The following UBR1 variants were observed in gnomAD, a reference collection of about 807,000 sequenced individuals.
UBR1 encodes the protein ubiquitin protein ligase E3 component n-recognin 1.
Under a neutral mutation model 242.1 loss-of-function variants are expected in UBR1, and 102 were observed. The ratio of observed to expected loss-of-function variants is 0.42; its 90% CI spans 0.36 to 0.50. The LOEUF is 0.50. Among genes scored for constraint, UBR1 ranks in the 20% least tolerant of loss-of-function variants. The pLI is 0.01. For synonymous variants in UBR1, 675 were observed against 684.8 expected (o/e 0.99, Z 0.22); for missense variants, 1,772 against 2,101.8 (o/e 0.84, Z 3.07).
intron 15 of UBR1, among the ~76,000 whole-genome samples, chr15:43,040,130 C>T (rs1306468517): frequency 6.6e-5 from 10 of 152,092 alleles, no homozygotes; most frequent in African/African-American, 9.7e-5. Flanking sequence ...AAAAAGAGCC[C>T]GCATTGCCAA....
intron 20 of UBR1, among the ~76,000 whole-genome samples, chr15:43,030,872 G>C (rs1380007428): frequency 1.3e-5 from 2 of 152,184 alleles, no homozygotes; most frequent in East Asian, 3.8e-4. Flanking sequence ...ATTTGCCAAA[G>C]AACGACTTTT....
chr15:42,998,936 G>GTTT (rs1204992709), intron 32 of UBR1, among the ~76,000 whole-genome samples: 1 of 117,638 alleles, frequency 8.5e-6, no homozygotes, highest in African/African-American at 2.7e-5. Flanking sequence ...TGGAGCCTTT[G>GTTT]CTTTTTTTTT....
At chr15:42,989,844 T>C (rs932663108) in intron 34 of UBR1, among the ~76,000 whole-genome samples, 186 bp downstream of exon 34, 1 of 152,252 alleles carries the variant, frequency 6.6e-6, no homozygotes, top group Middle Eastern at 3.4e-3. Flanking sequence ...CACCTTAATA[T>C]ATATTACTTT....
chr15:43,007,468 A>G (rs559793700), intron 29 of UBR1, among the ~76,000 whole-genome samples, 184 bp from the exon 30 acceptor site: 3 of 152,226 alleles, frequency 2.0e-5, no homozygotes, highest in Admixed American at 2.0e-4. Flanking sequence ...TTATTTGCTT[A>G]TTACAAAATA....
chr15:42,971,898 A>G (rs982224300), intron 39 of UBR1, among the ~76,000 whole-genome samples: 1 of 152,180 alleles, frequency 6.6e-6, no homozygotes, highest in Admixed American at 6.5e-5. Context: ...ATTCACAGCA[A>G]AATTGAGCAG....
chr15:43,093,094 T>TA (rs1207262769), intron 1 of UBR1, among the ~76,000 whole-genome samples: 2 of 152,166 alleles, frequency 1.3e-5, no homozygotes, highest in Admixed American at 6.5e-5. Flanking sequence ...GACTATTCTG[T>TA]AAAAAACAAG....
Position 43,086,141 on chromosome 15 carries a change from T to G in UBR1, c.181A>C (p.Lys61Gln). ...GACATTTGTACACTTTCCTCCTGCT[T>G]TTCCAAGTCTGGGTCCATTTCAGCA... ...YFAEMDPDLE[K>Q]QEESVQMSIF... The change falls in exon 2 of 47, where the codon AAG becomes CAG. Residue 61 changes from lysine (K) to glutamine (Q), a missense_variant. This residue lies in a region of UBR1 where 734 missense variants were observed against 893.3 expected (regional missense o/e 0.82). Coordinates refer to ENST00000290650, the MANE Select transcript of UBR1 (RefSeq NM_174916.3). 2 of 1,614,052 alleles carry G rather than the reference T, an allele frequency of 1.2e-6. No homozygotes were observed. Among genetic ancestry groups the G allele is most frequent in the Non-Finnish European group, 8.5e-7 (1 of 1,179,996 alleles).
chr15:42,967,219 G>GTTTT (rs55879443), intron 40 of UBR1, among the ~76,000 whole-genome samples: 16 of 113,188 alleles, frequency 1.4e-4, no homozygotes, highest in Middle Eastern at 4.9e-3. Flanking sequence ...TGCTCAACTA[G>GTTTT]TTTTTTTTTT....
intron 33 of UBR1, among the ~76,000 whole-genome samples, chr15:42,995,492 T>C (rs1453835922): frequency 1.4e-5 from 2 of 145,196 alleles, no homozygotes; most frequent in African/African-American, 2.6e-5. Context: ...ACCCCGTCTC[T>C]ACTAAAAATA....
chr15:43,061,337 C>A (rs564998296), intron 6 of UBR1, among the ~76,000 whole-genome samples: 1 of 152,302 alleles, frequency 6.6e-6, no homozygotes, highest in African/African-American at 2.4e-5. Flanking sequence ...TCCTGCAGGA[C>A]CTGGGAGACA....
In UBR1 at chr15:43,058,396, C is replaced by G. The variant is rs763411888; in HGVS notation, c.1127G>C (p.Ser376Thr). Residue 376 changes from serine to threonine, a missense_variant, in exon 10 of 47, where the codon AGC (serine) becomes ACC (threonine). By Grantham distance (58) the Ser-to-Thr change is moderately conservative (BLOSUM62 1). Transcript: ENST00000290650. ...GTATTCCATCTCCATAAAAAAACTGCTGAAGATCAATTCATGAAGGATCTT... is the reference window on the plus strand; with the variant it reads ...GTATTCCATCTCCATAAAAAAACTGGTGAAGATCAATTCATGAAGGATCTT... ...ARKILHELIF[S>T]SFFMEMEYKK... is the part of the protein sequence containing the mutation. 6.2e-7 allele frequency: 1 copy of G among 1,611,214 alleles called. No homozygotes were observed. Among genetic ancestry groups the G allele is most frequent in the East Asian group, 2.2e-5 (1 of 44,768 alleles).
In UBR1 at chr15:43,030,119, T is replaced by C; in HGVS notation, c.2255-51A>G. On this transcript the variant is annotated intron_variant, in intron 20 of 46. Transcript: ENST00000290650. Reference sequence around the variant, plus strand: ...AAAAAGTAGAATAATTATTTTCTATTTAAATCTCTCCCCATCAGAAGCACT... The same window carrying C: ...AAAAAGTAGAATAATTATTTTCTATCTAAATCTCTCCCCATCAGAAGCACT... 2.5e-6 allele frequency: 4 copies of C among 1,578,744 alleles called. No individual in the cohort carries two copies. The South Asian group carries it at 4.5e-5, about 18-fold the overall frequency.
At chr15:43,000,414 G>C (rs2032705944) in intron 32 of UBR1, among the ~76,000 whole-genome samples, 1 of 152,224 alleles carries the variant, frequency 6.6e-6, no homozygotes, top group Non-Finnish European at 1.5e-5. Flanking sequence ...TATTCTGTTA[G>C]AGAACAATTT....
At chr15:43,074,795 C>T (rs2033866780) in intron 4 of UBR1, among the ~76,000 whole-genome samples, 184 bp downstream of exon 4, 1 of 152,176 alleles carries the variant, frequency 6.6e-6, no homozygotes, top group Non-Finnish European at 1.5e-5. Flanking sequence ...TAAATTCATT[C>T]TCTCTTTAGA....
intron 29 of UBR1, among the ~76,000 whole-genome samples, chr15:43,014,382 A>G (rs1231428101): frequency 7.2e-6 from 1 of 139,526 alleles, no homozygotes; most frequent in African/African-American, 2.8e-5. Flanking sequence ...CTGGCTGCCC[A>G]GTCTGGAAAG....
At chr15:43,051,234 A>G (rs974706746) in intron 12 of UBR1, among the ~76,000 whole-genome samples, 2 of 152,228 alleles carry the variant, frequency 1.3e-5, no homozygotes, top group South Asian at 4.1e-4. Flanking sequence ...ATGGAATACT[A>G]TACAGCCAGA....
intron 27 of UBR1, among the ~76,000 whole-genome samples, chr15:43,018,777 A>G (rs2141299956): frequency 6.6e-6 from 1 of 152,306 alleles, no homozygotes; most frequent in South Asian, 2.1e-4. Context: ...TAAATCAACC[A>G]TCTGGATAGA....
At chr15:43,075,870 C>G (rs1230566584) in intron 3 of UBR1, among the ~76,000 whole-genome samples, 1 of 152,086 alleles carries the variant, frequency 6.6e-6, no homozygotes, top group Non-Finnish European at 1.5e-5. Flanking sequence ...CCGCCTCAGC[C>G]TGCCAAAGTG....
At chr15:43,096,816 T>C (rs930750474) in intron 1 of UBR1, among the ~76,000 whole-genome samples, 9 of 152,176 alleles carry the variant, frequency 5.9e-5, no homozygotes, top group Non-Finnish European at 4.4e-5. Context: ...CTAGTTCTCT[T>C]ATTTCTACCA....
Sources: allele counts gnomAD v4.1 joint callset (sites outside exome capture counted in the v4.1 genomes callset), GRCh38; gene constraint gnomAD v4.1.1; regional missense constraint gnomAD v4.1.1; transcripts MANE v1.5; gene names NCBI Gene and HGNC (gene_info 2026-07-23, HGNC 2026-07-21).